The following PIGK variants were observed in gnomAD, a reference collection of about 807,000 sequenced individuals.
PIGK encodes the protein phosphatidylinositol glycan anchor biosynthesis class K.
In PIGK, 42 loss-of-function variants were observed where a neutral mutation model predicts 50.6. The observed-to-expected ratio is 0.83, with a 90% CI of 0.65 to 1.07. The LOEUF is 1.07. PIGK is among the 50% of genes least tolerant of loss of function. The pLI is 0.00. For synonymous variants in PIGK, 151 were observed against 156.0 expected (o/e 0.97, Z 0.24); for missense variants, 448 against 488.7 (o/e 0.92, Z 0.78).
At chr1:77,116,345 G>A (rs1471001219) in intron 10 of PIGK, among the ~76,000 whole-genome samples, 3 of 151,934 alleles carry the variant, frequency 2.0e-5, no homozygotes, top group Non-Finnish European at 2.9e-5. Flanking sequence ...CACCACGCCC[G>A]GCTAATTTTT....
At position 77,163,848 on chromosome 1, in the gene PIGK, T is replaced by C. The variant is rs1396770478; in HGVS notation, c.582A>G (p.Arg194=). The C allele has an allele frequency of 1.3e-6, 2 of 1,577,640 alleles. No homozygotes were observed. Among genetic ancestry groups the C allele is most frequent in the Non-Finnish European group, 1.7e-6 (2 of 1,149,844 alleles). The change falls in exon 6 of 11, where the codon AGA becomes AGG. Residue 194 remains arginine, a splice_region_variant and synonymous_variant. Transcript: ENST00000370812. ...AAAAGAAGTAATTTGCTAATTACCG[T>C]CTTTTCTGCCACATTTGTTCAAAAG... The part of the protein sequence containing the change: ...ADAFEQMWQK[R]RYNELLFIID...
intron 4 of PIGK, among the ~76,000 whole-genome samples, chr1:77,167,618 A>G (rs920648348): frequency 6.6e-6 from 1 of 151,220 alleles, no homozygotes; most frequent in Non-Finnish European, 1.5e-5. Context: ...GGTGGTGCAC[A>G]CCTGTAGTCC....
intron 10 of PIGK, among the ~76,000 whole-genome samples, chr1:77,097,827 T>C (rs1002388125): frequency 2.0e-5 from 3 of 151,946 alleles, no homozygotes; most frequent in Non-Finnish European, 4.4e-5. Context: ...CTTTCAAGTA[T>C]GTCAGCAAAT....
intron 3 of PIGK, among the ~76,000 whole-genome samples, chr1:77,198,807 A>C (rs186415806): frequency 6.6e-6 from 1 of 152,170 alleles, no homozygotes; most frequent in East Asian, 1.9e-4. Flanking sequence ...CTTCTCTCTA[A>C]ATTAATCTAT....
chr1:77,163,963 G>A, intron 5 of PIGK, 21 bp from the exon 6 acceptor site: 1 of 1,371,768 alleles, frequency 7.3e-7, no homozygotes, highest in Non-Finnish European at 1.0e-6. Flanking sequence ...GAGTAAAAAA[G>A]ATCAATAGAT....
At chr1:77,116,469 G>A (rs772304099) in intron 10 of PIGK, among the ~76,000 whole-genome samples, 3 of 151,994 alleles carry the variant, frequency 2.0e-5, no homozygotes, top group Non-Finnish European at 4.4e-5. Context: ...ACAGGCGTGA[G>A]CCACCGTGCC....
chr1:77,143,437 T>C (rs536807563), intron 9 of PIGK, among the ~76,000 whole-genome samples: 19 of 152,264 alleles, frequency 1.2e-4, no homozygotes, highest in African/African-American at 3.8e-4. Context: ...CCAAAATTGA[T>C]ATCCAACATA....
chr1:77,149,894 ATCTTTT>A (rs1654855274), intron 9 of PIGK, among the ~76,000 whole-genome samples: 1 of 152,116 alleles, frequency 6.6e-6, no homozygotes. Context: ...CATTTCAAGT[ATCTTTT>A]TCTGACTATA....
At chr1:77,204,853 A>G (rs114769217) in intron 3 of PIGK, among the ~76,000 whole-genome samples, 2,238 of 152,252 alleles carry the variant, frequency 0.015, 28 homozygotes, top group Non-Finnish European at 0.021. Flanking sequence ...ACATTTATTT[A>G]TTTACCCAAT....
intron 3 of PIGK, among the ~76,000 whole-genome samples, chr1:77,189,728 TATATATATATATATATATATACACACAC>T (rs1466422196): frequency 1.5e-4 from 7 of 45,242 alleles, no homozygotes; most frequent in African/African-American, 6.6e-4. Flanking sequence ...TATATATATA[TATATATATATATATATATATACACACAC>T]ACACACACAC....
At chr1:77,204,311 T>C (rs923905191) in intron 3 of PIGK, among the ~76,000 whole-genome samples, 70 of 152,074 alleles carry the variant, frequency 4.6e-4, no homozygotes, top group Non-Finnish European at 7.4e-4. Context: ...GATTAGGAAA[T>C]TCCTGCCTAG....
intron 9 of PIGK, among the ~76,000 whole-genome samples, chr1:77,153,226 G>T (rs138542104): frequency 6.6e-6 from 1 of 152,244 alleles, no homozygotes; most frequent in Non-Finnish European, 1.5e-5. Flanking sequence ...GATGGAACTG[G>T]AAGTTATTGT....
chr1:77,139,550 T>A (rs1043123763), intron 9 of PIGK, among the ~76,000 whole-genome samples: 4 of 152,178 alleles, frequency 2.6e-5, no homozygotes, highest in Admixed American at 6.5e-5. Flanking sequence ...TGCTGCCAAC[T>A]GCTCAGGGAA....
intron 3 of PIGK, 54 bp downstream of exon 3, chr1:77,206,586 T>C (rs1656291486): frequency 3.2e-6 from 3 of 926,716 alleles, no homozygotes; most frequent in East Asian, 2.4e-5. Context: ...ATAACAATTA[T>C]CTAAGGGTTA....
chr1:77,177,737 A>ACC (rs1655519546), intron 3 of PIGK, among the ~76,000 whole-genome samples: 1 of 152,036 alleles, frequency 6.6e-6, no homozygotes, highest in Non-Finnish European at 1.5e-5. Context: ...TGGTCTCGGC[A>ACC]CCCTTCTGTC....
At chr1:77,153,630 A>C (rs1570226952) in intron 9 of PIGK, 1 of 145,394 alleles carries the variant, frequency 6.9e-6, no homozygotes, top group East Asian at 1.9e-4. Flanking sequence ...ATTATACATC[A>C]ATTAAAAAAA....
rs1417786327 is a variant in PIGK at position 77,090,803 on chromosome 1, G to C, written c.*1571C>G. 1 of 151,974 alleles carries C rather than the reference G, an allele frequency of 6.6e-6. No individual in the cohort carries two copies. Among genetic ancestry groups the C allele is most frequent in the Non-Finnish European group, 1.5e-5 (1 of 67,980 alleles). 9.4% of individuals were successfully genotyped at this position (151,974 alleles called of 1,614,324 possible). A position where few individuals can be genotyped will look rare whatever the true frequency, so the allele number is the denominator to read the frequency against. On this transcript the variant is annotated 3_prime_UTR_variant, in exon 11 of 11. Coordinates refer to ENST00000370812, the MANE Select transcript of PIGK (RefSeq NM_005482.3). ...TACAGAAAGATCCTTCACATAATCAGACAAAATTTTTCTTCCTCATTTATA... is the reference window on the plus strand; with the variant it reads ...TACAGAAAGATCCTTCACATAATCACACAAAATTTTTCTTCCTCATTTATA...
At chr1:77,193,245 ATG>A (rs56987496) in intron 3 of PIGK, among the ~76,000 whole-genome samples, 8,456 of 144,602 alleles carry the variant, frequency 0.058, 282 homozygotes, top group East Asian at 0.13. Context: ...TGGCATGAGA[ATG>A]TGTGTGTGTG....
chr1:77,190,747 C>T (rs976727645), intron 3 of PIGK, among the ~76,000 whole-genome samples: 8 of 152,208 alleles, frequency 5.3e-5, no homozygotes, highest in African/African-American at 1.9e-4. Flanking sequence ...CCCAAAGCCC[C>T]TGACTCATTT....
Sources: allele counts gnomAD v4.1 joint callset (sites outside exome capture counted in the v4.1 genomes callset), GRCh38; gene constraint gnomAD v4.1.1; transcripts MANE v1.5; gene names NCBI Gene and HGNC (gene_info 2026-07-23, HGNC 2026-07-21).